FGF14: variants seen among roughly 807,000 people sequenced by gnomAD.
The protein encoded by FGF14 is fibroblast growth factor 14, also known as fibroblast growth factor homologous factor 4.
Under a neutral mutation model 25.5 loss-of-function variants are expected in FGF14, and 5 were observed. The ratio of observed to expected loss-of-function variants is 0.20; its 90% CI spans 0.10 to 0.41. The LOEUF (loss-of-function observed/expected upper bound fraction) is 0.41, where lower values mean the gene tolerates loss of function less well. FGF14 is among the 10% of genes least tolerant of loss of function. The probability of loss-of-function intolerance (pLI) is 1.00; values close to 1 mark genes in which losing one functional copy is unlikely to be tolerated. For synonymous variants in FGF14, 138 were observed against 118.3 expected, an observed-to-expected ratio of 1.17 and a Z score of -1.08; for missense variants, 222 against 320.1, an observed-to-expected ratio of 0.69 and a Z score of 2.34.
rs557241907 is a variant in FGF14, at chr13:101,751,535, A to G, written c.409-24725T>C. Among the ~76,000 whole-genome samples the G allele has an allele frequency of 2.0e-5, 3 of 152,308 alleles. No individual in the cohort carries two copies. In the East Asian group the frequency reaches 5.8e-4, roughly 29 times the overall value. ...ATTATGCATCAGGGAAAATACATAC[A>G]TTAAGTTTCCAAGAACCACATTTAA... On this transcript the variant is annotated intron_variant, in intron 3 of 4. Coordinates refer to ENST00000376143, the MANE Select transcript of FGF14 (RefSeq NM_004115.4).
intron 3 of FGF14, among the ~76,000 whole-genome samples, chr13:101,847,244 G>T (rs116097599): frequency 6.6e-6 from 1 of 151,994 alleles, no homozygotes; most frequent in South Asian, 2.1e-4. Flanking sequence ...AGAAACTGTA[G>T]TTTTATATGC....
intron 1 of FGF14, among the ~76,000 whole-genome samples, chr13:102,093,227 A>T (rs936218607): frequency 1.3e-5 from 2 of 152,156 alleles, no homozygotes; most frequent in African/African-American, 4.8e-5. Flanking sequence ...ATGAATACAT[A>T]AAATATATGT....
intron 3 of FGF14, among the ~76,000 whole-genome samples, chr13:101,821,473 G>A (rs2042153639): frequency 6.6e-6 from 1 of 151,940 alleles, no homozygotes; most frequent in East Asian, 1.9e-4. Flanking sequence ...TCCGGTTTGG[G>A]GGCCATTATT....
At chr13:101,967,263 T>C (rs922682794) in intron 1 of FGF14, among the ~76,000 whole-genome samples, 2 of 152,206 alleles carry the variant, frequency 1.3e-5, no homozygotes, top group African/African-American at 2.4e-5. Context: ...AGTGTTCTAT[T>C]GAGTCAGAAT....
chr13:102,029,672 T>A (rs1386937775), intron 1 of FGF14, among the ~76,000 whole-genome samples: 1 of 152,114 alleles, frequency 6.6e-6, no homozygotes, highest in East Asian at 1.9e-4. Context: ...GACAATAAAT[T>A]GAAAATCTTT....
chr13:101,884,469 G>T (rs575387742), intron 1 of FGF14, among the ~76,000 whole-genome samples: 10 of 152,162 alleles, frequency 6.6e-5, no homozygotes, highest in African/African-American at 2.4e-4. Flanking sequence ...CACCAAGATG[G>T]AACATAAATA....
intron 1 of FGF14, among the ~76,000 whole-genome samples, chr13:102,247,561 A>G (rs1211447793): frequency 1.3e-5 from 2 of 152,146 alleles, no homozygotes; most frequent in Non-Finnish European, 2.9e-5. Flanking sequence ...ACCAATCAAA[A>G]TGACTATTAT....
intron 1 of FGF14, among the ~76,000 whole-genome samples, chr13:102,108,063 G>A (rs2045016279): frequency 6.6e-6 from 1 of 152,114 alleles, no homozygotes; most frequent in Non-Finnish European, 1.5e-5. Context: ...GCATTAAATT[G>A]AATTATATTT....
At chr13:102,046,827 T>A (rs2042005554) in intron 1 of FGF14, among the ~76,000 whole-genome samples, 1 of 152,200 alleles carries the variant, frequency 6.6e-6, no homozygotes, top group Non-Finnish European at 1.5e-5. Flanking sequence ...TGAAGCATAA[T>A]TTCTACATTG....
intron 1 of FGF14, among the ~76,000 whole-genome samples, chr13:102,299,368 A>G (rs1407424572): frequency 6.6e-6 from 1 of 152,172 alleles, no homozygotes; most frequent in Admixed American, 6.5e-5. Context: ...CCTTAAGAAT[A>G]TAAAGCAGTG....
At chr13:102,075,265 A>G (rs1486148035) in intron 1 of FGF14, among the ~76,000 whole-genome samples, 1 of 152,258 alleles carries the variant, frequency 6.6e-6, no homozygotes, top group Non-Finnish European at 1.5e-5. Flanking sequence ...TAGAATTTCT[A>G]TATGCTAACT....
At chr13:101,748,084 A>G (rs1023442677) in intron 3 of FGF14, among the ~76,000 whole-genome samples, 1 of 152,004 alleles carries the variant, frequency 6.6e-6, no homozygotes, top group Admixed American at 6.6e-5. Context: ...TAAAAATAGA[A>G]CTAACATTCA....
At chr13:101,821,000 T>G (rs573776185) in intron 3 of FGF14, among the ~76,000 whole-genome samples, 22 of 147,562 alleles carry the variant, frequency 1.5e-4, no homozygotes, top group Non-Finnish European at 2.8e-4. Context: ...CAGGCTGGAG[T>G]GCAGTGGCAT....
intron 3 of FGF14, among the ~76,000 whole-genome samples, chr13:101,824,622 T>G (rs1594385510): frequency 1.3e-5 from 2 of 152,304 alleles, no homozygotes; most frequent in East Asian, 3.9e-4. Context: ...ACACAGCTCC[T>G]AAAACCCTTG....
intron 1 of FGF14, among the ~76,000 whole-genome samples, chr13:102,345,056 C>T (rs1390333646): frequency 6.6e-6 from 1 of 152,176 alleles, no homozygotes; most frequent in African/African-American, 2.4e-5. Flanking sequence ...CCATGTAATA[C>T]AACCTCTGGT....
At chr13:102,306,141 C>T (rs1223226818) in intron 1 of FGF14, among the ~76,000 whole-genome samples, 1 of 152,200 alleles carries the variant, frequency 6.6e-6, no homozygotes, top group African/African-American at 2.4e-5. Flanking sequence ...GGCTCTGCCT[C>T]TGGCCCCAAG....
chr13:102,315,142 T>C (rs2055959191), intron 1 of FGF14, among the ~76,000 whole-genome samples: 2 of 151,948 alleles, frequency 1.3e-5, no homozygotes, highest in Admixed American at 6.6e-5. Context: ...TGTGTGAATA[T>C]TATATCACAC....
chr13:101,868,604 A>G (rs1012044010), intron 3 of FGF14, 121 bp downstream of exon 3: 6 of 765,914 alleles, frequency 7.8e-6, no homozygotes, highest in Middle Eastern at 2.3e-4. Flanking sequence ...TCTCGCAAAG[A>G]TCAAATACTA....
At chr13:102,124,368 T>G (rs200576283) in intron 1 of FGF14, among the ~76,000 whole-genome samples, 2 of 138,994 alleles carry the variant, frequency 1.4e-5, no homozygotes, top group Admixed American at 8.4e-5. Context: ...ACCACCAAAA[T>G]AGAGATGATT....
Sources: gnomAD v4.1 joint callset for allele counts (sites outside exome capture counted in the v4.1 genomes callset) on GRCh38, gnomAD v4.1.1 for gene constraint, MANE v1.5 for transcripts, NCBI Gene and HGNC (gene_info 2026-07-23, HGNC 2026-07-21) for gene names.